The following BIN2 variants were observed in gnomAD, a reference collection of about 807,000 sequenced individuals.
BIN2 encodes the protein breast cancer associated protein BRAP1.
BIN2 carries 43 observed loss-of-function variants against 67.9 expected under a neutral mutation model. That is an observed-to-expected ratio of 0.63 (90% CI 0.50 to 0.82). The LOEUF (loss-of-function observed/expected upper bound fraction) is 0.82. Ranked by LOEUF, BIN2 falls within the 40% of genes least tolerant of loss-of-function variation. The probability of loss-of-function intolerance (pLI) is 0.00; values close to 1 mark genes in which losing one functional copy is unlikely to be tolerated. For missense variants in BIN2, 581 were observed against 671.6 expected (o/e 0.87, Z 1.49); for synonymous variants, 244 against 246.8 (o/e 0.99, Z 0.11).
chr12:51,294,441 C>T (rs1403945907), intron 9 of BIN2, among the ~76,000 whole-genome samples: 2 of 151,996 alleles, frequency 1.3e-5, no homozygotes, highest in Non-Finnish European at 2.9e-5. Context: ...GTGGCATGTG[C>T]CTGTAATCCC....
At chr12:51,293,343 T>C (rs1945442118) in intron 9 of BIN2, among the ~76,000 whole-genome samples, 1 of 152,188 alleles carries the variant, frequency 6.6e-6, no homozygotes, top group Admixed American at 6.6e-5. Context: ...GGAGTCTCGC[T>C]CTGTCGCCCA....
At chr12:51,295,580 ATATATATAT>A (rs1945537274) in intron 9 of BIN2, among the ~76,000 whole-genome samples, 601 of 39,230 alleles carry the variant, frequency 0.015, 19 homozygotes, top group African/African-American at 0.018. Flanking sequence ...AAAAAAAAAT[ATATATATAT>A]ATATATATAT....
rs774798353 is a variant in BIN2, at chr12:51,284,697, T to C, written c.1668+19A>G. ...TGTCAATCTAATGCCCAATCTATTC[T>C]CTGTATATCTGGTCTTACCTCTTCT... On this transcript the variant is annotated intron_variant, in intron 12 of 12. Coordinates refer to ENST00000615107, the MANE Select transcript of BIN2 (RefSeq NM_016293.4). 13 of 1,576,142 alleles carry C rather than the reference T, an allele frequency of 8.2e-6. No individual in the cohort carries two copies. The African/African-American group carries it at 1.6e-4, about 20-fold the overall frequency.
At chr12:51,321,461 G>A (rs143957403) in intron 1 of BIN2, among the ~76,000 whole-genome samples, 2 of 151,874 alleles carry the variant, frequency 1.3e-5, no homozygotes, top group Admixed American at 6.6e-5. Context: ...GTGCAATGGC[G>A]CGATCTCGGC....
rs776846147 is a variant in BIN2, at chr12:51,324,122, C to T, written c.-20G>A. The T allele has an allele frequency of 3.0e-5, 48 of 1,611,600 alleles. No individual in the cohort carries two copies. The highest frequency in any genetic ancestry group is 3.3e-4 in the Middle Eastern group (2 of 5,974). ...TGCCATCCTGCCAACTCCCTGGGGG[C>T]CGCCGCCCTGGCCCCGCGCCCTGTG... On this transcript the variant is annotated 5_prime_UTR_variant, in exon 1 of 13. Coordinates refer to ENST00000615107, the MANE Select transcript of BIN2 (RefSeq NM_016293.4).
chr12:51,308,755 T>C (rs890798585), intron 2 of BIN2, among the ~76,000 whole-genome samples: 1 of 152,156 alleles, frequency 6.6e-6, no homozygotes, highest in Non-Finnish European at 1.5e-5. Context: ...TAATCCTTCC[T>C]ATGTAATACA....
At chr12:51,292,493 G>C (rs1439332036) in intron 9 of BIN2, 149 bp from the exon 10 acceptor site, 3 of 912,342 alleles carry the variant, frequency 3.3e-6, no homozygotes, top group African/African-American at 3.3e-5. Context: ...CTTATACAGT[G>C]AAATGAAAAA....
chr12:51,299,920 C>A (rs1945678628), intron 5 of BIN2, among the ~76,000 whole-genome samples: 1 of 152,016 alleles, frequency 6.6e-6, no homozygotes, highest in Admixed American at 6.6e-5. Context: ...CTCACTGTAA[C>A]CTCTGCCTCC....
intron 12 of BIN2, among the ~76,000 whole-genome samples, chr12:51,284,240 A>T (rs1945185298): frequency 6.6e-6 from 1 of 152,166 alleles, no homozygotes; most frequent in Non-Finnish European, 1.5e-5. Flanking sequence ...ATACACAAAT[A>T]TTAACCACTG....
intron 12 of BIN2, among the ~76,000 whole-genome samples, chr12:51,284,183 CTTT>C (rs1377118118): frequency 1.3e-5 from 2 of 152,040 alleles, no homozygotes; most frequent in Non-Finnish European, 2.9e-5. Context: ...AAGTGTATCA[CTTT>C]TTATTTTCTA....
intron 11 of BIN2, among the ~76,000 whole-genome samples, chr12:51,287,653 T>G (rs1486109602): frequency 6.7e-6 from 1 of 149,204 alleles, no homozygotes; most frequent in African/African-American, 2.5e-5. Context: ...GGAAAAGTTT[T>G]TTTTTTTTTT....
In BIN2 at chr12:51,302,038, G is replaced by A. The variant is rs1945735907; in HGVS notation, c.390C>T (p.Ala130=). The A allele has an allele frequency of 3.1e-6, 5 of 1,612,784 alleles. No homozygotes were observed. The highest frequency in any genetic ancestry group is 1.3e-5 in the African/African-American group (1 of 74,826). The stretch of plus-strand genomic sequence containing the variant: ...TGAGTACCTTAATTTCACTGAACTG[G>A]GCAACATAGATTTCCATGGTCCTTA... ...QAVRTMEIYV[A]QFSEIKERIA... Residue 130 remains alanine, a synonymous_variant, in exon 5 of 13, where the codon GCC becomes GCT. Transcript: ENST00000615107.
intron 2 of BIN2, among the ~76,000 whole-genome samples, chr12:51,312,381 G>A (rs1400840054): frequency 6.6e-6 from 1 of 152,208 alleles, no homozygotes; most frequent in Admixed American, 6.5e-5. Flanking sequence ...AAAGAATCAT[G>A]TAATCCTTCT....
intron 10 of BIN2, 55 bp from the exon 11 acceptor site, chr12:51,288,243 C>A: frequency 6.8e-7 from 1 of 1,462,566 alleles, no homozygotes; most frequent in Admixed American, 1.7e-5. Context: ...CACCTGGGGG[C>A]CATCCCTGTG....
intron 9 of BIN2, 107 bp downstream of exon 9, chr12:51,295,689 C>G: frequency 2.8e-6 from 2 of 710,898 alleles, no homozygotes; most frequent in Non-Finnish European, 4.6e-6. Flanking sequence ...AACATCATCA[C>G]GCACATGCAC....
chr12:51,290,730 G>A (rs560809255), intron 10 of BIN2, among the ~76,000 whole-genome samples: 30 of 151,740 alleles, frequency 2.0e-4, no homozygotes, highest in South Asian at 1.0e-3. Context: ...TCAGGAGATC[G>A]AGACCATCCT....
At chr12:51,289,922 C>G (rs114140149) in intron 10 of BIN2, among the ~76,000 whole-genome samples, 2,074 of 152,034 alleles carry the variant, frequency 0.014, 54 homozygotes, top group African/African-American at 0.047. Flanking sequence ...AGAGAAGACA[C>G]ACCCTGGAAA....
intron 2 of BIN2, among the ~76,000 whole-genome samples, chr12:51,305,434 A>C (rs1330084333): frequency 6.6e-6 from 1 of 152,064 alleles, no homozygotes; most frequent in Non-Finnish European, 1.5e-5. Flanking sequence ...GACCAGCCTG[A>C]CCAATGTGGT....
intron 6 of BIN2, 93 bp downstream of exon 6, chr12:51,299,514 C>T: frequency 3.4e-6 from 4 of 1,175,712 alleles, no homozygotes; most frequent in Non-Finnish European, 5.1e-6. Flanking sequence ...TTTATAATTT[C>T]CTATACCCAT....
Sources: allele counts gnomAD v4.1 joint callset (sites outside exome capture counted in the v4.1 genomes callset), GRCh38; gene constraint gnomAD v4.1.1; transcripts MANE v1.5; gene names NCBI Gene and HGNC (gene_info 2026-07-23, HGNC 2026-07-21).